The following DNAH17 variants were observed in gnomAD, a reference collection of about 807,000 sequenced individuals.
DNAH17 encodes the protein axonemal beta dynein heavy chain 17.
In DNAH17, 376 loss-of-function variants were observed where a neutral mutation model predicts 485.6. The ratio of observed to expected loss-of-function variants is 0.77; its 90% CI spans 0.71 to 0.84. The LOEUF (loss-of-function observed/expected upper bound fraction) is 0.84. Among genes scored for constraint, DNAH17 ranks in the 40% least tolerant of loss-of-function variants. The pLI, the probability that DNAH17 is intolerant of heterozygous loss-of-function variation, is 0.00. For synonymous variants in DNAH17, 3,031 were observed against 2,405.9 expected, an observed-to-expected ratio of 1.26 and a Z score of -7.60; for missense variants, 6,370 against 5,839.3, an observed-to-expected ratio of 1.09 and a Z score of -2.96.
intron 79 of DNAH17, among the ~76,000 whole-genome samples, chr17:78,426,119 GCTTC>G (rs2086446755): frequency 6.6e-6 from 1 of 152,206 alleles, no homozygotes; most frequent in Admixed American, 6.5e-5. Flanking sequence ...GAAGAAAATG[GCTTC>G]CTGTTTGTGG....
Position 78,530,838 on chromosome 17 carries a change from C to T in DNAH17, c.3115-326G>A, listed in dbSNP as rs191255325. Among the ~76,000 whole-genome samples, 507 of 152,266 alleles carry T rather than the reference C, an allele frequency of 3.3e-3. 4 individuals carry two copies. The highest frequency in any genetic ancestry group is 0.011 in the African/African-American group (459 of 41,566). ...GGTCACAGGCTCCTAAAGGGCATCC[C>T]TAGCTCATCCTTCTACCTGAGGCCT... is the stretch of plus-strand genomic sequence containing the variant. On this transcript the variant is annotated intron_variant, in intron 20 of 80. Transcript: ENST00000389840.
In DNAH17 at chr17:78,480,889, G is replaced by A. The variant is rs1395066650; in HGVS notation, c.7650-103C>T. The stretch of plus-strand genomic sequence containing the variant: ...ATGCCCTCCTTATTATTATTTTTTT[G>A]AGACAGAGTCTCGCTCTGTTGCCCA... On this transcript the variant is annotated intron_variant, in intron 48 of 80. Transcript: ENST00000389840. 5 of 800,208 alleles carry A rather than the reference G, an allele frequency of 6.2e-6. No individual in the cohort carries two copies. In the African/African-American group the frequency reaches 8.7e-5, roughly 14 times the overall value. 49.6% of individuals were successfully genotyped at this position (800,208 alleles called of 1,614,324 possible). A position where few individuals can be genotyped will look rare whatever the true frequency, so the allele number is the denominator to read the frequency against.
intron 62 of DNAH17, among the ~76,000 whole-genome samples, chr17:78,457,657 CTT>C (rs71160297): frequency 0.018 from 1,200 of 66,792 alleles, 19 homozygotes; most frequent in African/African-American, 0.052. Flanking sequence ...CCGTGCCTGG[CTT>C]TTTTTTTTTT....
At chr17:78,497,161 C>T (rs915357785) in intron 37 of DNAH17, 7 of 152,212 alleles carry the variant, frequency 4.6e-5, no homozygotes, top group African/African-American at 7.2e-5. Context: ...ATCAGACAGT[C>T]TTGAAGGCCA....
At chr17:78,484,539 G>A (rs1367181306) in intron 48 of DNAH17, among the ~76,000 whole-genome samples, 2 of 149,824 alleles carry the variant, frequency 1.3e-5, no homozygotes, top group East Asian at 2.0e-4. Context: ...CTCTCCCGGC[G>A]GGACAGACAC....
At chr17:78,450,991 G>T (rs1306247018) in intron 66 of DNAH17, 145 bp from the exon 67 acceptor site, 89 of 1,050,738 alleles carry the variant, frequency 8.5e-5, no homozygotes, top group Non-Finnish European at 2.2e-5. Flanking sequence ...GGCTGCAGAA[G>T]CAGAGCCCCT....
chr17:78,571,897 C>G, intron 3 of DNAH17, 115 bp from the exon 4 acceptor site: 1 of 1,034,452 alleles, frequency 9.7e-7, no homozygotes, highest in Non-Finnish European at 1.4e-6. Flanking sequence ...GCAGCACCGT[C>G]TGGTCTCATG....
intron 44 of DNAH17, among the ~76,000 whole-genome samples, chr17:78,488,476 C>G (rs2089709917): frequency 6.6e-6 from 1 of 152,174 alleles, no homozygotes; most frequent in Non-Finnish European, 1.5e-5. Context: ...GTTTCTGGCT[C>G]CCTCTTCTCT....
chr17:78,570,594 T>G (rs1009976159), intron 6 of DNAH17, among the ~76,000 whole-genome samples: 1 of 151,976 alleles, frequency 6.6e-6, no homozygotes, highest in Non-Finnish European at 1.5e-5. Flanking sequence ...GCGTGGTGGC[T>G]CACGCCTGTA....
intron 51 of DNAH17, 78 bp downstream of exon 51, chr17:78,478,947 A>AG: frequency 8.5e-7 from 1 of 1,182,250 alleles, no homozygotes; most frequent in Non-Finnish European, 1.2e-6. Flanking sequence ...CCTCCCTGAG[A>AG]GCTGTGATGA....
Position 78,505,720 on chromosome 17 carries a change from T to C in DNAH17, c.4804-275A>G, listed in dbSNP as rs530797220. ...TTGGTGGGGCATGGTGGCTCACACC[T>C]GTAATCCCAGCACTTTGGGAGGCCG... On this transcript the variant is annotated intron_variant, in intron 30 of 80. Coordinates refer to ENST00000389840, the MANE Select transcript of DNAH17 (RefSeq NM_173628.4). Among the ~76,000 whole-genome samples, 3 of 152,338 alleles carry C rather than the reference T, an allele frequency of 2.0e-5. No homozygotes were observed. In the East Asian group the frequency reaches 5.8e-4, roughly 29 times the overall value.
At chr17:78,433,919 G>GGGAA (rs1204793177) in intron 75 of DNAH17, 110 bp downstream of exon 75, 43 of 820,978 alleles carry the variant, frequency 5.2e-5, no homozygotes, top group Middle Eastern at 4.4e-4. Flanking sequence ...AGGAAAGGGA[G>GGGAA]GGAAGGAAGG....
intron 2 of DNAH17, 148 bp from the exon 3 acceptor site, chr17:78,573,042 A>G (rs950299312): frequency 1.5e-6 from 1 of 665,774 alleles, no homozygotes; most frequent in South Asian, 2.0e-5. Flanking sequence ...CCCCAGGGGG[A>G]TTCCAAAGAC....
In DNAH17 at chr17:78,455,955, T is replaced by C. The variant is rs1390518645; in HGVS notation, c.9978-119A>G. 7.3e-6 allele frequency: 6 copies of C among 816,906 alleles called. No individual in the cohort carries two copies. In the East Asian group the frequency reaches 1.6e-4, roughly 22 times the overall value. The allele number at this position is 816,906 out of a possible 1,614,324, so 50.6% of individuals were successfully genotyped here. A position where few individuals can be genotyped will look rare whatever the true frequency, so the allele number is the denominator to read the frequency against. On this transcript the variant is annotated intron_variant, in intron 62 of 80. Transcript: ENST00000389840. ...AGTTTCCCGTCTGCACCTGGCTCAG[T>C]GGCTCAATGATGAAAATGCTTTTGG...
At chr17:78,464,717 G>C (rs1198001137) in intron 56 of DNAH17, among the ~76,000 whole-genome samples, 2 of 152,226 alleles carry the variant, frequency 1.3e-5, no homozygotes, top group East Asian at 1.9e-4. Context: ...GAAAGCCTGA[G>C]TCGCCCGATC....
chr17:78,551,856 G>A (rs527534382), intron 15 of DNAH17, among the ~76,000 whole-genome samples: 5 of 152,026 alleles, frequency 3.3e-5, no homozygotes, highest in Admixed American at 6.6e-5. Context: ...CCAGCTACTC[G>A]GGAGGCTGAG....
intron 34 of DNAH17, 87 bp from the exon 35 acceptor site, chr17:78,501,431 T>G: frequency 6.8e-7 from 1 of 1,466,122 alleles, no homozygotes. Flanking sequence ...CCAAGGCCGG[T>G]CCCCTGCTGC....
intron 13 of DNAH17, among the ~76,000 whole-genome samples, chr17:78,559,163 G>A (rs1014127652): frequency 6.6e-6 from 1 of 152,212 alleles, no homozygotes; most frequent in East Asian, 1.9e-4. Context: ...GTAATGAGAT[G>A]TCCAGTGTTG....
At chr17:78,431,693 TG>T (rs2086681591) in intron 75 of DNAH17, among the ~76,000 whole-genome samples, 1 of 151,726 alleles carries the variant, frequency 6.6e-6, no homozygotes. Flanking sequence ...TGGGAGCCGG[TG>T]GGGAGTCTGT....
Sources: gnomAD v4.1 joint callset for allele counts (sites outside exome capture counted in the v4.1 genomes callset) on GRCh38, gnomAD v4.1.1 for gene constraint, MANE v1.5 for transcripts, NCBI Gene and HGNC (gene_info 2026-07-23, HGNC 2026-07-21) for gene names.